The following TAAR5 variants were observed in gnomAD, a reference collection of about 807,000 sequenced individuals.
The protein encoded by TAAR5 is trace amine associated receptor 5.
In TAAR5, 27 loss-of-function variants were observed where a neutral mutation model predicts 21.1. The observed-to-expected ratio is 1.28, with a 90% CI of 0.94 to 1.76. The LOEUF (loss-of-function observed/expected upper bound fraction) is 1.76. Among genes scored for constraint, TAAR5 ranks in the 40% most tolerant of loss-of-function variants. The pLI is 0.00. For missense variants in TAAR5, 495 were observed against 405.6 expected (o/e 1.22, Z -1.89); for synonymous variants, 203 against 167.5 (o/e 1.21, Z -1.64).
At position 132,588,707 on chromosome 6, in the gene TAAR5, G is replaced by A. The variant is rs747432608; in HGVS notation, c.980C>T (p.Pro327Leu). 23 of 1,613,674 alleles carry A rather than the reference G, an allele frequency of 1.4e-5. No homozygotes were observed. The highest frequency in any genetic ancestry group is 1.6e-4 in the Middle Eastern group (1 of 6,082). ...GTACAAATCAACAGTGCGTGTCTGCGGTGAGAAGACCTTCTGGCTCAGTGT... is the reference window on the plus strand; with the variant it reads ...GTACAAATCAACAGTGCGTGTCTGCAGTGAGAAGACCTTCTGGCTCAGTGT... ...KLTLSQKVFSPQTRTVDLYQE is the reference protein window; with the variant it reads ...KLTLSQKVFSLQTRTVDLYQE Residue 327 changes from proline to leucine, a missense_variant, in exon 1 of 1, where the codon CCG becomes CTG. Coordinates refer to ENST00000258034, the MANE Select transcript of TAAR5 (RefSeq NM_003967.3).
chr6:132,597,614 C>G, the TAAR5 span, among the ~76,000 whole-genome samples: 1 of 152,176 alleles, frequency 6.6e-6, no homozygotes, highest in Non-Finnish European at 1.5e-5. Context: ...TATGGCATCT[C>G]ACTTTTTTCA....
chr6:132,589,299 T>C lies in TAAR5; in HGVS notation c.388A>G (p.Ile130Val), dbSNP rs778838635. ...TSIFHLCFIS[I>V]DRHCAICDPL... ...TCACAGATGGCACAGTGGCGGTCAA[T>C]GGAAATGAAACAGAGATGGAAGATG... The change falls in exon 1 of 1, where the codon ATT (isoleucine) becomes GTT (valine). Residue 130 changes from isoleucine to valine, a missense_variant. By Grantham distance (29) the Ile-to-Val change is conservative (BLOSUM62 3). Transcript: ENST00000258034. 9.9e-6 allele frequency: 16 copies of C among 1,612,876 alleles called. No homozygotes were observed. Among genetic ancestry groups the C allele is most frequent in the South Asian group, 9.9e-5 (9 of 90,864 alleles).
At chr6:132,591,007 G>A (rs904564694), upstream of TAAR5, among the ~76,000 whole-genome samples, 1 of 152,126 alleles carries the variant, frequency 6.6e-6, no homozygotes, top group African/African-American at 2.4e-5. Context: ...CTTCCACACA[G>A]GATTCATCAT....
chr6:132,609,754 A>T, the TAAR5 span, among the ~76,000 whole-genome samples: 8 of 152,294 alleles, frequency 5.3e-5, no homozygotes, highest in African/African-American at 1.9e-4. Context: ...TTCTTTAGGC[A>T]TTCTTTTGAC....
chr6:132,592,290 G>A (rs144722755), upstream of TAAR5, among the ~76,000 whole-genome samples: 369 of 152,264 alleles, frequency 2.4e-3, 2 homozygotes, highest in African/African-American at 8.5e-3. Flanking sequence ...TAACAAAATC[G>A]ATTATAATGA....
chr6:132,611,084 C>T, the TAAR5 span, among the ~76,000 whole-genome samples: 2 of 151,932 alleles, frequency 1.3e-5, no homozygotes, highest in African/African-American at 4.8e-5. Context: ...TATCATTTAG[C>T]CATAAAAAAG....
chr6:132,612,867 C>T, the TAAR5 span, among the ~76,000 whole-genome samples: 8 of 152,272 alleles, frequency 5.3e-5, no homozygotes, highest in African/African-American at 1.2e-4. Context: ...TGAATACATA[C>T]GCAGTTAATG....
upstream of TAAR5, among the ~76,000 whole-genome samples, chr6:132,591,553 T>C (rs950295434): frequency 6.6e-6 from 1 of 152,228 alleles, no homozygotes; most frequent in Non-Finnish European, 1.5e-5. Flanking sequence ...AATACATATC[T>C]GGCTCCAGAA....
the TAAR5 span, among the ~76,000 whole-genome samples, chr6:132,601,247 T>G: frequency 6.6e-6 from 1 of 152,228 alleles, no homozygotes; most frequent in Non-Finnish European, 1.5e-5. Flanking sequence ...ATAGAATTTT[T>G]TCTCATACAC....
chr6:132,608,391 C>A, the TAAR5 span: 1 of 455,756 alleles, frequency 2.2e-6, no homozygotes, highest in African/African-American at 2.0e-5. Flanking sequence ...AGTACCGGAG[C>A]CACACTAAAA....
the TAAR5 span, among the ~76,000 whole-genome samples, chr6:132,599,783 C>T: frequency 6.6e-6 from 1 of 152,126 alleles, no homozygotes; most frequent in Non-Finnish European, 1.5e-5. Flanking sequence ...TCTATATGCT[C>T]ATCTGGGTTT....
chr6:132,589,046 A>G lies in TAAR5; in HGVS notation c.641T>C (p.Ile214Thr), dbSNP rs1283184250. The G allele has an allele frequency of 6.2e-7, 1 of 1,614,124 alleles. No homozygotes were observed. Among genetic ancestry groups the G allele is most frequent in the South Asian group, 1.1e-5 (1 of 91,084 alleles). Residue 214 changes from isoleucine to threonine, a missense_variant, in exon 1 of 1, where the codon ATT becomes ACT. Coordinates refer to ENST00000258034, the MANE Select transcript of TAAR5 (RefSeq NM_003967.3). ...NFPLFFVPCL[I>T]MISLYVKIFV... ...GATCTTCACATACAAGCTGATCATA[A>G]TGAGGCAGGGGACAAAGAACAAAGG...
At chr6:132,607,800 G>A in the TAAR5 span, among the ~76,000 whole-genome samples, 8 of 152,166 alleles carry the variant, frequency 5.3e-5, no homozygotes, top group African/African-American at 1.9e-4. Context: ...GTTGTTAATA[G>A]AGGTCAACCT....
chr6:132,600,894 AAG>A, the TAAR5 span, among the ~76,000 whole-genome samples: 13 of 137,788 alleles, frequency 9.4e-5, no homozygotes, highest in East Asian at 4.8e-4. Context: ...GGAAGAAGGG[AAG>A]GAGGGAAGGA....
chr6:132,602,779 C>CAAAAAAAAAAAAAAAAAAAAAAAAAAAA, the TAAR5 span, among the ~76,000 whole-genome samples: 1 of 95,948 alleles, frequency 1.0e-5, no homozygotes. Context: ...CTTTAGAAGT[C>CAAAAAAAAAAAAAAAAAAAAAAAAAAAA]AAAAAAAAAA....
rs753256181 is a variant in TAAR5, at chr6:132,589,644, C to G, written c.43G>C (p.Ala15Pro). ...GACCCATTCACCTGGTAGCAGAATG[C>G]CGCAGGGTGCTCTTCAGCACCTTGG... ...FIQGAEEHPA[A>P]FCYQVNGSCP... Residue 15 changes from alanine (A) to proline (P), a missense_variant, in exon 1 of 1, where the codon GCA (alanine) becomes CCA (proline). By Grantham distance (27) the Ala-to-Pro change is conservative. Transcript: ENST00000258034. 1 of 1,605,468 alleles carries G rather than the reference C, an allele frequency of 6.2e-7. No homozygotes were observed. The highest frequency in any genetic ancestry group is 1.4e-5 in the African/African-American group (1 of 73,446).
chr6:132,608,095 C>T, the TAAR5 span: 1 of 330,798 alleles, frequency 3.0e-6, no homozygotes. Context: ...GTGAATGTAC[C>T]TCTTGTGTAG....
chr6:132,613,057 C>G, the TAAR5 span, among the ~76,000 whole-genome samples: 1 of 152,132 alleles, frequency 6.6e-6, no homozygotes, highest in South Asian at 2.1e-4. Flanking sequence ...GTGCAACTTC[C>G]TATACACATA....
At chr6:132,601,011 AGGAAGGGG>A in the TAAR5 span, among the ~76,000 whole-genome samples, 135 of 33,382 alleles carry the variant, frequency 4.0e-3, 2 homozygotes, top group African/African-American at 0.017. Context: ...GAGGGAAGGA[AGGAAGGGG>A]GGAAGGAGGG....
Sources: gnomAD v4.1 joint callset for allele counts (sites outside exome capture counted in the v4.1 genomes callset) on GRCh38, gnomAD v4.1.1 for gene constraint, MANE v1.5 for transcripts, NCBI Gene and HGNC (gene_info 2026-07-23, HGNC 2026-07-21) for gene names.